The following LRFN4 variants were observed in gnomAD, a reference collection of about 807,000 sequenced individuals.
The protein encoded by LRFN4 is leucine-rich repeat and fibronectin type-III domain-containing protein 4.
LRFN4 carries 10 observed loss-of-function variants against 29.0 expected under a neutral mutation model. That is an observed-to-expected ratio of 0.35 (90% CI 0.21 to 0.59). LRFN4 has a LOEUF of 0.59. Among genes scored for constraint, LRFN4 ranks in the 20% least tolerant of loss-of-function variants. LRFN4 has a pLI of 0.82. For synonymous variants in LRFN4, 493 were observed against 437.0 expected, an observed-to-expected ratio of 1.13 and a Z score of -1.60; for missense variants, 850 against 907.9, an observed-to-expected ratio of 0.94 and a Z score of 0.82.
Position 66,857,708 on chromosome 11 carries a change from T to G in LRFN4, c.-37T>G. ...TGGGCACCTGCGCCAGCCCCACCTG[T>G]GCCTGGGCTGTGGCCCCTTCCTACA... On this transcript the variant is annotated 5_prime_UTR_variant, in exon 1 of 2. Coordinates refer to ENST00000309602, the MANE Select transcript of LRFN4 (RefSeq NM_024036.5). The surrounding 1 kb of genome is among the most constrained non-coding windows in gnomAD (Gnocchi z 7.1). 1 of 1,562,924 alleles carries G rather than the reference T, an allele frequency of 6.4e-7. No homozygotes were observed. The highest frequency in any genetic ancestry group is 8.6e-7 in the Non-Finnish European group (1 of 1,159,830).
chr11:66,859,988 A>G lies in LRFN4; in HGVS notation c.1701A>G (p.Thr567=). Residue 567 remains threonine, a synonymous_variant, in exon 2 of 2, where the codon ACA becomes ACG. Coordinates refer to ENST00000309602, the MANE Select transcript of LRFN4 (RefSeq NM_024036.5). ...QSQTNGGPSP[T]PKAHPPRSPP... ...AGACCAATGGAGGCCCCAGCCCCAC[A>G]CCCAAGGCCCACCCGCCGCGGAGCC... The G allele has an allele frequency of 6.3e-7, 1 of 1,592,132 alleles. No homozygotes were observed. Among genetic ancestry groups the G allele is most frequent in the Admixed American group, 1.7e-5 (1 of 58,288 alleles).
rs767216993 is a variant in LRFN4 at position 66,858,921 on chromosome 11, G to T, written c.1177G>T (p.Ala393Ser). The change falls in exon 1 of 2, where the codon GCT (alanine) becomes TCT (serine). Residue 393 changes from alanine (A) to serine (S), a missense_variant. This residue lies in a region of LRFN4 where 744 missense variants were observed against 753.8 expected (regional missense o/e 0.99). Coordinates refer to ENST00000309602, the MANE Select transcript of LRFN4 (RefSeq NM_024036.5). This position sits in a 1 kb window ranked among gnomAD's most constrained non-coding sequence, Gnocchi z 5.9. Reference sequence around the variant, plus strand: ...CGGGCCCTCGGACATCGCCGCCTCCGCTCGCACTGCTGCCGAGGGTGAGGG... The same window carrying T: ...CGGGCCCTCGGACATCGCCGCCTCCTCTCGCACTGCTGCCGAGGGTGAGGG... ...RPGPSDIAAS[A>S]RTAAEGEGTL... The T allele has an allele frequency of 1.3e-6, 2 of 1,569,488 alleles. No individual in the cohort carries two copies. The highest frequency in any genetic ancestry group is 4.5e-5 in the East Asian group (2 of 44,140).
At position 66,860,197 on chromosome 11, in the gene LRFN4, G is replaced by A. The variant is rs2135881414; in HGVS notation, c.*2G>A. ...CGGCTGGAAGAGAGTGTGGTGTGATGGACGGGCAGCTTCCTGTGTGCTCCA... is the reference window on the plus strand; with the variant it reads ...CGGCTGGAAGAGAGTGTGGTGTGATAGACGGGCAGCTTCCTGTGTGCTCCA... On this transcript the variant is annotated 3_prime_UTR_variant, in exon 2 of 2. Coordinates refer to ENST00000309602, the MANE Select transcript of LRFN4 (RefSeq NM_024036.5). 6.5e-7 allele frequency: 1 copy of A among 1,543,758 alleles called. No homozygotes were observed. The highest frequency in any genetic ancestry group is 8.7e-7 in the Non-Finnish European group (1 of 1,147,498).
chr11:66,859,998 C>T lies in LRFN4; in HGVS notation c.1711C>T (p.His571Tyr), dbSNP rs556065272. Residue 571 changes from histidine (H) to tyrosine (Y), a missense_variant, in exon 2 of 2, where the codon CAC (histidine) becomes TAC (tyrosine). By Grantham distance (83) the His-to-Tyr change is moderately conservative (BLOSUM62 2). Transcript: ENST00000309602. ...AGGCCCCAGCCCCACACCCAAGGCCCACCCGCCGCGGAGCCCCCCGCCCCG... is the reference window on the plus strand; with the variant it reads ...AGGCCCCAGCCCCACACCCAAGGCCTACCCGCCGCGGAGCCCCCCGCCCCG... ...NGGPSPTPKAHPPRSPPPRPQ... is the reference protein window; with the variant it reads ...NGGPSPTPKAYPPRSPPPRPQ... 6.3e-7 allele frequency: 1 copy of T among 1,594,834 alleles called. No individual in the cohort carries two copies. The highest frequency in any genetic ancestry group is 1.3e-5 in the African/African-American group (1 of 74,510).
In LRFN4 at chr11:66,860,300, A is replaced by G. The variant is rs1464881418; in HGVS notation, c.*105A>G. The G allele has an allele frequency of 3.4e-6, 5 of 1,450,928 alleles. No homozygotes were observed. The Admixed American group carries it at 9.8e-5, about 29-fold the overall frequency. The allele number at this position is 1,450,928 out of a possible 1,614,324, so 89.9% of individuals were successfully genotyped here. A position where few individuals can be genotyped will look rare whatever the true frequency, so the allele number is the denominator to read the frequency against. On this transcript the variant is annotated 3_prime_UTR_variant, in exon 2 of 2. Transcript: ENST00000309602. ...TCCCTCCCTGGTTTTTATTCTCAGT[A>G]CCTCAGGCTCCCCTGTGTACTTGGA...
Position 66,857,164 on chromosome 11 carries a change from T to C in LRFN4, c.-581T>C, listed in dbSNP as rs1945906806. 6.8e-6 allele frequency: 1 copy of C among 147,590 alleles called. No homozygotes were observed. Among genetic ancestry groups the C allele is most frequent in the Non-Finnish European group, 1.5e-5 (1 of 66,392 alleles). The allele number at this position is 147,590 out of a possible 1,614,324, so 9.1% of individuals were successfully genotyped here. On this transcript the variant is annotated 5_prime_UTR_variant, in exon 1 of 2. An upstream start codon of the reference 5' UTR is lost. Transcript: ENST00000309602. The surrounding 1 kb of genome is among the most constrained non-coding windows in gnomAD (Gnocchi z 7.1). ...GCCGGGGCCGCGGGCCCGAGCGCCATGGGCCCGAGGGTGGGCGGCGGGCGG... is the reference window on the plus strand; with the variant it reads ...GCCGGGGCCGCGGGCCCGAGCGCCACGGGCCCGAGGGTGGGCGGCGGGCGG...
rs749094244 is a variant in LRFN4, at chr11:66,860,038, G to A, written c.1751G>A (p.Cys584Tyr). 1 of 1,580,326 alleles carries A rather than the reference G, an allele frequency of 6.3e-7. No individual in the cohort carries two copies. The highest frequency in any genetic ancestry group is 8.6e-7 in the Non-Finnish European group (1 of 1,164,284). The change falls in exon 2 of 2, where the codon TGC (cysteine) becomes TAC (tyrosine). Residue 584 changes from cysteine to tyrosine, a missense_variant. This residue lies in a region of LRFN4 where 744 missense variants were observed against 753.8 expected (regional missense o/e 0.99). Coordinates refer to ENST00000309602, the MANE Select transcript of LRFN4 (RefSeq NM_024036.5). ...RSPPPRPQRS[C>Y]SLDLGDAGCY... The stretch of plus-strand genomic sequence containing the variant: ...CCCCCGCCCCGGCCGCAGCGCAGCT[G>A]CTCTCTGGACCTGGGAGATGCCGGG...
rs780784913 is a variant in LRFN4, at chr11:66,857,705, C to G, written c.-40C>G. 1 of 1,557,116 alleles carries G rather than the reference C, an allele frequency of 6.4e-7. No homozygotes were observed. The highest frequency in any genetic ancestry group is 8.6e-7 in the Non-Finnish European group (1 of 1,156,640). ...AAGTGGGCACCTGCGCCAGCCCCAC[C>G]TGTGCCTGGGCTGTGGCCCCTTCCT... On this transcript the variant is annotated 5_prime_UTR_variant, in exon 1 of 2. Coordinates refer to ENST00000309602, the MANE Select transcript of LRFN4 (RefSeq NM_024036.5). This position sits in a 1 kb window ranked among gnomAD's most constrained non-coding sequence, Gnocchi z 7.1.
rs373511945 is a variant in LRFN4, at chr11:66,858,304, G to A, written c.560G>A (p.Gly187Asp). Residue 187 changes from glycine to aspartate, a missense_variant, in exon 1 of 2, where the codon GGC becomes GAC. This residue lies in a region of LRFN4 where 744 missense variants were observed against 753.8 expected (regional missense o/e 0.99). Transcript: ENST00000309602. This position sits in a 1 kb window ranked among gnomAD's most constrained non-coding sequence, Gnocchi z 5.9. ...AACCTTATTGACGCACTGCCCCCAG[G>A]CGCCTTCGCCCAGCTCGGTCAGCTC... ...DHNLIDALPP[G>D]AFAQLGQLSR... 22 of 1,610,424 alleles carry A rather than the reference G, an allele frequency of 1.4e-5. No individual in the cohort carries two copies. The African/African-American group carries it at 2.7e-4, about 20-fold the overall frequency.
Position 66,858,760 on chromosome 11 carries a change from G to C in LRFN4, c.1016G>C (p.Gly339Ala). The change falls in exon 1 of 2, where the codon GGG becomes GCG. Residue 339 changes from glycine to alanine, a missense_variant. Gly to Ala is a moderately conservative substitution (Grantham distance 60). Around this residue, in one of 2 missense-constraint regions of LRFN4, gnomAD observed 744 missense variants for 753.8 expected, o/e 0.99. Coordinates refer to ENST00000309602, the MANE Select transcript of LRFN4 (RefSeq NM_024036.5). The surrounding 1 kb of genome is among the most constrained non-coding windows in gnomAD (Gnocchi z 5.9). ...TTCCCCAACGGGACCTTAGAGATTG[G>C]GGTGACCGGCGCTGGGGACGCTGGG... ...RAFPNGTLEI[G>A]VTGAGDAGGY... 1 of 1,553,024 alleles carries C rather than the reference G, an allele frequency of 6.4e-7. No individual in the cohort carries two copies. Among genetic ancestry groups the C allele is most frequent in the Non-Finnish European group, 8.7e-7 (1 of 1,148,648 alleles).
At position 66,857,769 on chromosome 11, in the gene LRFN4, C is replaced by T. The variant is rs760733411; in HGVS notation, c.25C>T (p.Leu9=). 6.3e-7 allele frequency: 1 copy of T among 1,595,080 alleles called. No homozygotes were observed. The highest frequency in any genetic ancestry group is 1.1e-5 in the South Asian group (1 of 90,920). Residue 9 remains leucine (L), a synonymous_variant, in exon 1 of 2, where the codon CTG becomes TTG. Coordinates refer to ENST00000309602, the MANE Select transcript of LRFN4 (RefSeq NM_024036.5). The surrounding 1 kb of genome is among the most constrained non-coding windows in gnomAD (Gnocchi z 7.1). The part of the protein sequence containing the change: MAPPLLLL[L]LASGAAACPL... ...CATGGCCCCGCCGCTCCTGCTGCTGCTGCTGGCCAGTGGAGCGGCCGCCTG... is the reference window on the plus strand; with the variant it reads ...CATGGCCCCGCCGCTCCTGCTGCTGTTGCTGGCCAGTGGAGCGGCCGCCTG...
Position 66,858,602 on chromosome 11 carries a change from C to G in LRFN4, c.858C>G (p.His286Gln). 1 of 1,534,976 alleles carries G rather than the reference C, an allele frequency of 6.5e-7. No homozygotes were observed. The highest frequency in any genetic ancestry group is 8.7e-7 in the Non-Finnish European group (1 of 1,144,210). Residue 286 changes from histidine (H) to glutamine (Q), a missense_variant, in exon 1 of 2, where the codon CAC (histidine) becomes CAG (glutamine). Physicochemically the swap from His to Gln is conservative, Grantham distance 24. Transcript: ENST00000309602. The surrounding 1 kb of genome is among the most constrained non-coding windows in gnomAD (Gnocchi z 5.9). ...FSCEPPLIAR[H>Q]TQRLWVLEGQ... ...GTGAGCCGCCCCTCATTGCCCGCCA[C>G]ACGCAGCGCCTCTGGGTGCTGGAAG...
At position 66,860,217 on chromosome 11, in the gene LRFN4, G is replaced by T; in HGVS notation, c.*22G>T. 4 of 1,541,064 alleles carry T rather than the reference G, an allele frequency of 2.6e-6. No homozygotes were observed. Among genetic ancestry groups the T allele is most frequent in the Non-Finnish European group, 3.5e-6 (4 of 1,147,172 alleles). On this transcript the variant is annotated 3_prime_UTR_variant, in exon 2 of 2. Transcript: ENST00000309602. ...GTGATGGACGGGCAGCTTCCTGTGT[G>T]CTCCAAGGGATGAGCCTCGTGGGGC... is the stretch of plus-strand genomic sequence containing the variant.
Position 66,858,138 on chromosome 11 carries a change from C to T in LRFN4, c.394C>T (p.Leu132=), listed in dbSNP as rs1160421512. The T allele has an allele frequency of 6.2e-7, 1 of 1,610,692 alleles. No homozygotes were observed. The highest frequency in any genetic ancestry group is 1.3e-5 in the African/African-American group (1 of 75,048). ...GCACCTCATCCTCAGCGGCAACCAG[C>T]TGGGCCGCATCGCGCCGGGAGCCTT... The part of the protein sequence containing the change: ...LQHLILSGNQ[L]GRIAPGAFDD... The change falls in exon 1 of 2, where the codon CTG becomes TTG. Residue 132 remains leucine, a synonymous_variant. Transcript: ENST00000309602. The surrounding 1 kb of genome is among the most constrained non-coding windows in gnomAD (Gnocchi z 5.9).
At chr11:66,859,187 TG>T (rs1946086948) in intron 1 of LRFN4, 94 bp downstream of exon 1, 1 of 1,382,800 alleles carries the variant, frequency 7.2e-7, no homozygotes, top group Non-Finnish European at 9.6e-7. Context: ...CTCCTCTCTC[TG>T]GGGCTGACAC....
At position 66,858,904 on chromosome 11, in the gene LRFN4, C is replaced by G. The variant is rs201895033; in HGVS notation, c.1160C>G (p.Ser387Trp). Residue 387 changes from serine to tryptophan, a missense_variant, in exon 1 of 2, where the codon TCG becomes TGG. Ser to Trp is a radical substitution (Grantham distance 177, BLOSUM62 -3). Around this residue, in one of 2 missense-constraint regions of LRFN4, gnomAD observed 744 missense variants for 753.8 expected, o/e 0.99. Transcript: ENST00000309602. The surrounding 1 kb of genome is among the most constrained non-coding windows in gnomAD (Gnocchi z 5.9). ...GCCGAGGGGGGCCGCCCCGGGCCCTCGGACATCGCCGCCTCCGCTCGCACT... is the reference window on the plus strand; with the variant it reads ...GCCGAGGGGGGCCGCCCCGGGCCCTGGGACATCGCCGCCTCCGCTCGCACT... ...SSAEGGRPGP[S>W]DIAASARTAA... 7 of 1,562,484 alleles carry G rather than the reference C, an allele frequency of 4.5e-6. No individual in the cohort carries two copies. In the East Asian group the frequency reaches 1.4e-4, roughly 30 times the overall value.
In LRFN4 at chr11:66,860,084, C is replaced by T. The variant is rs777732491; in HGVS notation, c.1797C>T (p.Arg599=). ...GDAGCYGYAR[R]LGGAWARRSH... is the part of the protein sequence containing the mutation. The stretch of plus-strand genomic sequence containing the variant: ...CCGGGTGCTACGGTTATGCCAGGCG[C>T]CTGGGAGGAGCTTGGGCCCGACGGA... Residue 599 remains arginine (R), a synonymous_variant, in exon 2 of 2, where the codon CGC becomes CGT. Coordinates refer to ENST00000309602, the MANE Select transcript of LRFN4 (RefSeq NM_024036.5). 9.6e-6 allele frequency: 15 copies of T among 1,555,760 alleles called. No individual in the cohort carries two copies. Among genetic ancestry groups the T allele is most frequent in the Middle Eastern group, 3.3e-4 (2 of 5,988 alleles).
At chr11:66,859,176 C>T (rs1040611362) in intron 1 of LRFN4, 83 bp downstream of exon 1, 1 of 1,419,200 alleles carries the variant, frequency 7.0e-7, no homozygotes, top group Non-Finnish European at 9.3e-7. Flanking sequence ...TGCTTCCACC[C>T]CTCCTCTCTC....
chr11:66,860,391 G>A lies in LRFN4; in HGVS notation c.*196G>A, dbSNP rs1480632419. 8 of 791,410 alleles carry A rather than the reference G, an allele frequency of 1.0e-5. 1 individual carries two copies. In the Admixed American group the frequency reaches 1.6e-4, roughly 16 times the overall value. 49.0% of individuals were successfully genotyped at this position (791,410 alleles called of 1,614,324 possible). ...GGGTAAGGGCAGGCCCCTCCAACAG[G>A]TGCTCACAGCCACCGAGGCAGGGGC... On this transcript the variant is annotated 3_prime_UTR_variant, in exon 2 of 2. Coordinates refer to ENST00000309602, the MANE Select transcript of LRFN4 (RefSeq NM_024036.5).
Sources: allele counts gnomAD v4.1 joint callset, GRCh38; gene constraint gnomAD v4.1.1; regional missense constraint gnomAD v4.1.1; non-coding constraint Gnocchi (gnomAD v3.1); transcripts MANE v1.5; gene names NCBI Gene and HGNC (gene_info 2026-07-23, HGNC 2026-07-21).